Variants in SLC16A3 observed in about 807,000 individuals in gnomAD.
SLC16A3 encodes solute carrier family 16 member 3, also known as monocarboxylate transporter 4.
SLC16A3 carries 22 observed loss-of-function variants against 25.0 expected under a neutral mutation model. The ratio of observed to expected loss-of-function variants is 0.88; its 90% CI spans 0.63 to 1.26. SLC16A3 has a LOEUF of 1.26. Among genes scored for constraint, SLC16A3 ranks in the 50% most tolerant of loss-of-function variants. SLC16A3 has a pLI of 0.00. For missense variants in SLC16A3, 731 were observed against 666.6 expected (o/e 1.10, Z -1.06); for synonymous variants, 390 against 309.2 (o/e 1.26, Z -2.74).
chr17:82,228,396 G>A (rs1420364126), upstream of SLC16A3: 2 of 152,300 alleles, frequency 1.3e-5, no homozygotes, highest in East Asian at 3.9e-4. Flanking sequence ...GCCCCGCAGG[G>A]CGCGGAGCCA....
chr17:82,237,076 G>A (rs1599559763), intron 3 of SLC16A3, 62 bp from the exon 4 acceptor site: 2 of 1,464,874 alleles, frequency 1.4e-6, no homozygotes, highest in South Asian at 1.4e-5. Context: ...TGGGGGCAGA[G>A]ATGAGGGTCT....
intron 1 of SLC16A3, chr17:82,235,668 G>A: frequency 4.9e-6 from 2 of 404,844 alleles, no homozygotes; most frequent in South Asian, 4.9e-5. Flanking sequence ...TGACGGCCAG[G>A]TCGATGTTCC....
upstream of SLC16A3, among the ~76,000 whole-genome samples, chr17:82,225,568 T>C (rs1002017372): frequency 7.2e-5 from 11 of 152,198 alleles, no homozygotes; most frequent in African/African-American, 2.7e-4. Context: ...GGTCAGGAGC[T>C]GGGCAGCCCA....
intron 1 of SLC16A3, among the ~76,000 whole-genome samples, chr17:82,233,177 A>G (rs908745899): frequency 3.3e-5 from 5 of 152,192 alleles, no homozygotes; most frequent in African/African-American, 1.2e-4. Context: ...GTGGGCAGAC[A>G]GCTGGCTCCA....
At chr17:82,237,958 G>C in intron 4 of SLC16A3, 65 bp downstream of exon 4, 3 of 1,519,320 alleles carry the variant, frequency 2.0e-6, no homozygotes, top group African/African-American at 1.4e-5. Context: ...CGCTTTGCGA[G>C]GGGGGGGACG....
chr17:82,237,168 C>G lies in SLC16A3; in HGVS notation c.398C>G (p.Ser133Trp). The G allele has an allele frequency of 6.6e-7, 1 of 1,513,852 alleles. No homozygotes were observed. Among genetic ancestry groups the G allele is most frequent in the Non-Finnish European group, 8.8e-7 (1 of 1,130,736 alleles). 93.8% of individuals were successfully genotyped at this position (1,513,852 alleles called of 1,614,324 possible). A position where few individuals can be genotyped will look rare whatever the true frequency, so the allele number is the denominator to read the frequency against. Residue 133 changes from serine to tryptophan, a missense_variant, in exon 4 of 5, where the codon TCG becomes TGG. Physicochemically the swap from Ser to Trp is radical, Grantham distance 177. Coordinates refer to ENST00000582743, the MANE Select transcript of SLC16A3 (RefSeq NM_004207.4). ...GGTTTGGCACTCAACTTCCAGCCCTCGCTCATCATGCTGAACCGCTACTTC... is the reference window on the plus strand; with the variant it reads ...GGTTTGGCACTCAACTTCCAGCCCTGGCTCATCATGCTGAACCGCTACTTC... ...GLGLALNFQP[S>W]LIMLNRYFSK...
exon 1 of SLC16A3, among the ~76,000 whole-genome samples, chr17:82,218,009 G>A (rs1056221275): frequency 2.6e-5 from 4 of 152,240 alleles, no homozygotes; most frequent in African/African-American, 9.6e-5. Flanking sequence ...CTCTGGCCTG[G>A]TGAAGGCCAA....
chr17:82,235,153 C>T (rs1293366282), intron 1 of SLC16A3: 1 of 152,278 alleles, frequency 6.6e-6, no homozygotes, highest in African/African-American at 2.4e-5. Context: ...GGTTTGCTCT[C>T]GTGGGCTGGA....
rs780373283 is a variant in SLC16A3 at position 82,237,816 on chromosome 17, CCCA to C, written c.1048_1050del (p.His350del). On this transcript the variant is annotated inframe_deletion, in exon 4 of 5. Coordinates refer to ENST00000582743, the MANE Select transcript of SLC16A3 (RefSeq NM_004207.4). ...GAGGTGCTCATGGCCATCGTGGGCACCCACAAGTTCTCCAGTGCCATTGGCCTG... is the reference window on the plus strand; with the variant it reads ...GAGGTGCTCATGGCCATCGTGGGCACCAAGTTCTCCAGTGCCATTGGCCTG... The C allele has an allele frequency of 6.2e-7, 1 of 1,609,798 alleles. No individual in the cohort carries two copies. Among genetic ancestry groups the C allele is most frequent in the South Asian group, 1.1e-5 (1 of 91,090 alleles).
chr17:82,235,963 C>G lies in SLC16A3; in HGVS notation c.-26-20C>G, dbSNP rs1468349813. 1 of 1,532,356 alleles carries G rather than the reference C, an allele frequency of 6.5e-7. No homozygotes were observed. The highest frequency in any genetic ancestry group is 1.8e-5 in the Admixed American group (1 of 54,204). The allele number at this position is 1,532,356 out of a possible 1,614,324, so 94.9% of individuals were successfully genotyped here. A position where few individuals can be genotyped will look rare whatever the true frequency, so the allele number is the denominator to read the frequency against. On this transcript the variant is annotated intron_variant, in intron 1 of 4. Transcript: ENST00000582743. ...GGATGGTCACCCGGGCAGCCTGAGT[C>G]AGCCTGCTTTCTCTCTCAGGTGAGG... is the stretch of plus-strand genomic sequence containing the variant.
In SLC16A3 at chr17:82,237,003, C is replaced by T. The variant is rs1262633292; in HGVS notation, c.367+131C>T. On this transcript the variant is annotated intron_variant, in intron 3 of 4. Transcript: ENST00000582743. ...GGGTGTCCCGGCCCCACCTCGTTGTCCCCCTCTCGAGTGGGTGGGTGGCAG... is the reference window on the plus strand; with the variant it reads ...GGGTGTCCCGGCCCCACCTCGTTGTTCCCCTCTCGAGTGGGTGGGTGGCAG... The T allele has an allele frequency of 4.8e-6, 7 of 1,462,678 alleles. No homozygotes were observed. In the African/African-American group the frequency reaches 8.4e-5, roughly 18 times the overall value. 90.6% of individuals were successfully genotyped at this position (1,462,678 alleles called of 1,614,324 possible).
rs142401344 is a variant in SLC16A3, at chr17:82,237,747, T to C, written c.977T>C (p.Ile326Thr). 4 of 1,612,010 alleles carry C rather than the reference T, an allele frequency of 2.5e-6. No homozygotes were observed. Among genetic ancestry groups the C allele is most frequent in the Non-Finnish European group, 2.5e-6 (3 of 1,179,960 alleles). Residue 326 changes from isoleucine (I) to threonine (T), a missense_variant, in exon 4 of 5, where the codon ATC becomes ACC. By Grantham distance (89) the Ile-to-Thr change is moderately conservative (BLOSUM62 -1). Coordinates refer to ENST00000582743, the MANE Select transcript of SLC16A3 (RefSeq NM_004207.4). ...GDYGGLVVFC[I>T]FFGISYGMVG... ...TACGGCGGCCTCGTGGTCTTCTGCATCTTCTTTGGCATCTCCTACGGCATG... is the reference window on the plus strand; with the variant it reads ...TACGGCGGCCTCGTGGTCTTCTGCACCTTCTTTGGCATCTCCTACGGCATG...
At position 82,238,755 on chromosome 17, in the gene SLC16A3, G is replaced by A; in HGVS notation, c.1177G>A (p.Ala393Thr). The change falls in exon 5 of 5, where the codon GCC becomes ACC. Residue 393 changes from alanine to threonine, a missense_variant. Ala to Thr is a moderately conservative substitution (Grantham distance 58, BLOSUM62 0). Transcript: ENST00000582743. ...VYMYVFILAGAEVLTSSLILL... is the reference protein window; with the variant it reads ...VYMYVFILAGTEVLTSSLILL... ...CATGTACGTGTTCATCCTGGCGGGG[G>A]CCGAGGTGCTCACCTCCTCCCTGAT... The A allele has an allele frequency of 8.7e-6, 14 of 1,612,618 alleles. No homozygotes were observed. Among genetic ancestry groups the A allele is most frequent in the Non-Finnish European group, 1.1e-5 (13 of 1,179,916 alleles).
rs1230569009 is a variant in SLC16A3 at position 82,236,175 on chromosome 17, G to GCT, written c.168_169dup (p.Tyr57SerfsTer27). 1 of 1,613,018 alleles carries GCT rather than the reference G, an allele frequency of 6.2e-7. No homozygotes were observed. The highest frequency in any genetic ancestry group is 1.3e-5 in the African/African-American group (1 of 74,944). On this transcript the variant is annotated frameshift_variant, in exon 2 of 5. Transcript: ENST00000582743. LOFTEE classifies it high-confidence loss of function. ...GAGCTCATACAGGAGTTTGGGATCG[G>GCT]CTACAGCGACACAGCCTGGATCTCC...
At chr17:82,238,022 C>CA in intron 4 of SLC16A3, 129 bp downstream of exon 4, 15 of 1,088,548 alleles carry the variant, frequency 1.4e-5, no homozygotes, top group South Asian at 6.3e-5. Context: ...AGGGGGTGCA[C>CA]TGTGCTGGAC....
upstream of SLC16A3, among the ~76,000 whole-genome samples, chr17:82,227,835 G>A (rs910729350): frequency 1.3e-5 from 2 of 152,204 alleles, no homozygotes; most frequent in African/African-American, 4.8e-5. Flanking sequence ...GTGAGGGCCA[G>A]ACCCAGCCTC....
At chr17:82,228,459 G>T (rs2050441994), upstream of SLC16A3, 1 of 152,502 alleles carries the variant, frequency 6.6e-6, no homozygotes, top group Admixed American at 6.5e-5. Flanking sequence ...CATCCAGGCA[G>T]CGCAGGCCGC....
At chr17:82,220,252 C>T (rs930764830) in intron 1 of SLC16A3, among the ~76,000 whole-genome samples, 1 of 152,198 alleles carries the variant, frequency 6.6e-6, no homozygotes, top group African/African-American at 2.4e-5. Flanking sequence ...GGAGAGCTGC[C>T]TCCTGCTCCA....
chr17:82,228,935 G>A (rs1441668110), upstream of SLC16A3: 1 of 149,286 alleles, frequency 6.7e-6, no homozygotes, highest in African/African-American at 2.4e-5. Context: ...AGGCGGCGCG[G>A]GGTCCGGGCG....
Sources: allele counts gnomAD v4.1 joint callset (sites outside exome capture counted in the v4.1 genomes callset), GRCh38; gene constraint gnomAD v4.1.1; transcripts MANE v1.5; gene names NCBI Gene and HGNC (gene_info 2026-07-23, HGNC 2026-07-21).